The following TMC1 variants were observed in gnomAD, a reference collection of about 807,000 sequenced individuals.
The protein encoded by TMC1 is transmembrane channel-like protein 1.
Under a neutral mutation model 105.8 loss-of-function variants are expected in TMC1, and 84 were observed. The ratio of observed to expected loss-of-function variants is 0.79; its 90% CI spans 0.67 to 0.95. TMC1 has a LOEUF of 0.95. Ranked by LOEUF, TMC1 falls within the 40% of genes least tolerant of loss-of-function variation. TMC1 has a pLI of 0.00. For synonymous variants in TMC1, 315 were observed against 311.5 expected (o/e 1.01, Z -0.12); for missense variants, 817 against 914.1 (o/e 0.89, Z 1.37).
rs1430999666 is a variant in TMC1 at position 72,599,758 on chromosome 9, C to T, written c.-305-16610C>T. Among the ~76,000 whole-genome samples the T allele has an allele frequency of 5.3e-5, 8 of 149,556 alleles. 1 individual carries two copies. Among genetic ancestry groups the T allele is most frequent in the African/African-American group, 9.9e-5 (4 of 40,456 alleles). Reference sequence around the variant, plus strand: ...CCAGGAGATGGAGGTTGCAGTGAGCCGAGATCATGCCATTGCACTCCAGCC... The same window carrying T: ...CCAGGAGATGGAGGTTGCAGTGAGCTGAGATCATGCCATTGCACTCCAGCC... On this transcript the variant is annotated intron_variant, in intron 2 of 23. Transcript: ENST00000297784.
chr9:72,765,314 C>A (rs1827812052), intron 12 of TMC1, among the ~76,000 whole-genome samples: 1 of 151,958 alleles, frequency 6.6e-6, no homozygotes, highest in African/African-American at 2.4e-5. Context: ...AAAGCTGAGG[C>A]ATATTGCATC....
intron 18 of TMC1, among the ~76,000 whole-genome samples, chr9:72,812,670 A>G (rs1461505798): frequency 6.6e-6 from 1 of 152,222 alleles, no homozygotes; most frequent in East Asian, 1.9e-4. Context: ...TCTGAGGACC[A>G]CACTCAAAAG....
chr9:72,744,759 A>G (rs528761402), intron 10 of TMC1, among the ~76,000 whole-genome samples: 11 of 152,356 alleles, frequency 7.2e-5, no homozygotes, highest in Admixed American at 2.0e-4. Flanking sequence ...AAAGCACACT[A>G]GAGCAGGTTC....
intron 18 of TMC1, among the ~76,000 whole-genome samples, chr9:72,806,838 C>T (rs1311150816): frequency 5.8e-4 from 87 of 151,240 alleles, no homozygotes; most frequent in African/African-American, 1.8e-3. Flanking sequence ...CAGGCAGAGA[C>T]GCTCCTCACT....
intron 23 of TMC1, among the ~76,000 whole-genome samples, chr9:72,831,958 AT>A (rs982236649): frequency 6.6e-6 from 1 of 150,384 alleles, no homozygotes; most frequent in Non-Finnish European, 1.5e-5. Flanking sequence ...TACCCAAAGG[AT>A]TTTTTTTCTT....
chr9:72,647,034 C>T (rs577865105), intron 4 of TMC1, among the ~76,000 whole-genome samples: 1 of 149,988 alleles, frequency 6.7e-6, no homozygotes, highest in Non-Finnish European at 1.5e-5. Context: ...CCCAGCTACT[C>T]GGGAGGCTGA....
rs551680705 is a variant in TMC1 at position 72,717,572 on chromosome 9, A to T, written c.362+16929A>T. Among the ~76,000 whole-genome samples, 10 of 152,344 alleles carry T rather than the reference A, an allele frequency of 6.6e-5. No homozygotes were observed. In the East Asian group the frequency reaches 1.7e-3, roughly 26 times the overall value. On this transcript the variant is annotated intron_variant, in intron 8 of 23. Transcript: ENST00000297784. ...CCTTCATTTATGAAGCTTAGGATAC[A>T]AAACTGTTGGCTGATAATTGTTTTG...
intron 8 of TMC1, among the ~76,000 whole-genome samples, chr9:72,718,653 T>C (rs1047871371): frequency 6.6e-6 from 1 of 152,158 alleles, no homozygotes; most frequent in South Asian, 2.1e-4. Context: ...TTGTAGTTGT[T>C]TAATGCACTA....
intron 11 of TMC1, among the ~76,000 whole-genome samples, chr9:72,753,373 G>GT (rs1408556536): frequency 7.6e-6 from 1 of 131,820 alleles, no homozygotes; most frequent in South Asian, 2.5e-4. Flanking sequence ...ACGTTACTTA[G>GT]TGTCAGATGC....
intron 2 of TMC1, among the ~76,000 whole-genome samples, chr9:72,603,663 C>T (rs1174614580): frequency 6.6e-6 from 1 of 152,078 alleles, no homozygotes; most frequent in Non-Finnish European, 1.5e-5. Context: ...AATTCTCCTG[C>T]CGCAGCCTGC....
chr9:72,761,824 T>G (rs1205272771), intron 12 of TMC1, among the ~76,000 whole-genome samples: 1 of 152,228 alleles, frequency 6.6e-6, no homozygotes, highest in Non-Finnish European at 1.5e-5. Context: ...CTTAAGTTCC[T>G]TCATCTCTTA....
At chr9:72,766,898 C>A (rs931169804) in intron 12 of TMC1, among the ~76,000 whole-genome samples, 3 of 152,194 alleles carry the variant, frequency 2.0e-5, no homozygotes, top group African/African-American at 7.2e-5. Flanking sequence ...AGGCAGAAGC[C>A]TAATGGGTCT....
intron 2 of TMC1, among the ~76,000 whole-genome samples, chr9:72,612,997 G>A (rs926290051): frequency 4.6e-5 from 7 of 152,158 alleles, no homozygotes; most frequent in Non-Finnish European, 1.0e-4. Flanking sequence ...GTGGCTTGGC[G>A]AAAAGAATCA....
chr9:72,796,148 C>G lies in TMC1; in HGVS notation c.1566+3796C>G, dbSNP rs917027470. On this transcript the variant is annotated intron_variant, in intron 17 of 23. Transcript: ENST00000297784. ...GGTTCAATGCAACAAGAAGACCTAA[C>G]TATCCTAAATATATATGCACTCAAT... is the stretch of plus-strand genomic sequence containing the variant. Among the ~76,000 whole-genome samples the G allele has an allele frequency of 9.2e-5, 14 of 152,168 alleles. No homozygotes were observed. The South Asian group carries it at 2.9e-3, about 32-fold the overall frequency.
intron 2 of TMC1, among the ~76,000 whole-genome samples, chr9:72,589,395 A>G (rs1462153940): frequency 6.6e-6 from 1 of 152,272 alleles, no homozygotes; most frequent in Non-Finnish European, 1.5e-5. Flanking sequence ...TACATAATTC[A>G]TCTTGCCAAC....
chr9:72,794,528 A>AC (rs1828330910), intron 17 of TMC1, among the ~76,000 whole-genome samples: 1 of 151,676 alleles, frequency 6.6e-6, no homozygotes, highest in Non-Finnish European at 1.5e-5. Context: ...TCACTAACAT[A>AC]CCCCCCTCTG....
At chr9:72,814,350 A>T (rs1828749810) in intron 18 of TMC1, among the ~76,000 whole-genome samples, 1 of 152,174 alleles carries the variant, frequency 6.6e-6, no homozygotes, top group Non-Finnish European at 1.5e-5. Context: ...ACTCAGAGTT[A>T]ATGTTCTCCA....
intron 8 of TMC1, among the ~76,000 whole-genome samples, chr9:72,710,653 A>G (rs1826819888): frequency 6.6e-6 from 1 of 152,122 alleles, no homozygotes; most frequent in African/African-American, 2.4e-5. Context: ...CTGATATAAG[A>G]ATAGCTACTC....
Position 72,620,475 on chromosome 9 carries a change from G to T in TMC1, c.-196+3998G>T, listed in dbSNP as rs58037525. 2.3e-3 allele frequency among the ~76,000 whole-genome samples: 342 copies of T among 151,912 alleles called. 2 individuals carry two copies. The highest frequency in any genetic ancestry group is 8.0e-3 in the African/African-American group (330 of 41,416). On this transcript the variant is annotated intron_variant, in intron 3 of 23. Coordinates refer to ENST00000297784, the MANE Select transcript of TMC1 (RefSeq NM_138691.3). ...TATGTTGTCCAGGCTGATCTTGAATGCCTGGACTCAAGTGATCCTCCTACC... is the reference window on the plus strand; with the variant it reads ...TATGTTGTCCAGGCTGATCTTGAATTCCTGGACTCAAGTGATCCTCCTACC...
Sources: gnomAD v4.1 joint callset for allele counts (sites outside exome capture counted in the v4.1 genomes callset) on GRCh38, gnomAD v4.1.1 for gene constraint, MANE v1.5 for transcripts, NCBI Gene and HGNC (gene_info 2026-07-23, HGNC 2026-07-21) for gene names.